SUFU: variants seen among roughly 807,000 people sequenced by gnomAD.
SUFU encodes the protein suppressor of fused homolog.
In SUFU, 7 loss-of-function variants were observed where a neutral mutation model predicts 58.9. The observed-to-expected ratio is 0.12, with a 90% CI of 0.07 to 0.22. SUFU has a LOEUF of 0.22. Among genes scored for constraint, SUFU ranks in the 10% least tolerant of loss-of-function variants. The pLI is 1.00. For synonymous variants in SUFU, 232 were observed against 254.8 expected (o/e 0.91, Z 0.85); for missense variants, 451 against 641.3 (o/e 0.70, Z 3.20).
upstream of SUFU, chr10:102,503,840 A>C: frequency 2.7e-6 from 1 of 366,878 alleles, no homozygotes. Context: ...CAGGGAGGGG[A>C]GGCGGGGCCT....
chr10:102,551,190 A>G (rs2062911080), intron 3 of SUFU, among the ~76,000 whole-genome samples: 3 of 152,216 alleles, frequency 2.0e-5, no homozygotes, highest in African/African-American at 7.2e-5. Flanking sequence ...CTACCATTGT[A>G]TGCCCTGTGG....
chr10:102,556,858 G>T (rs926865995), intron 3 of SUFU, among the ~76,000 whole-genome samples: 2 of 151,980 alleles, frequency 1.3e-5, no homozygotes, highest in African/African-American at 4.8e-5. Flanking sequence ...GGGAGCCCGA[G>T]ACAGGCAGAT....
In SUFU at chr10:102,628,848, A is replaced by T. The variant is rs960762206; in HGVS notation, c.1366-1218A>T. ...TCCACCCTGCCCTGACTTCCGGCCT[A>T]GCCAAATTAGAAAAGACAGACCCTG... On this transcript the variant is annotated intron_variant, in intron 11 of 11. Coordinates refer to ENST00000369902, the MANE Select transcript of SUFU (RefSeq NM_016169.4). The surrounding 1 kb of genome is among the most constrained non-coding windows in gnomAD (Gnocchi z 4.5). Among the ~76,000 whole-genome samples the T allele has an allele frequency of 6.6e-6, 1 of 152,116 alleles. No individual in the cohort carries two copies. The highest frequency in any genetic ancestry group is 1.5e-5 in the Non-Finnish European group (1 of 68,030).
chr10:102,546,235 C>T (rs910453996), intron 2 of SUFU, among the ~76,000 whole-genome samples: 4 of 152,228 alleles, frequency 2.6e-5, no homozygotes, highest in Admixed American at 6.5e-5. Context: ...CGGACACCCC[C>T]GTGAACAGGA....
At chr10:102,550,258 G>A (rs1017499317) in intron 3 of SUFU, 152 bp downstream of exon 3, 18 of 1,334,942 alleles carry the variant, frequency 1.3e-5, no homozygotes, top group Non-Finnish European at 1.8e-5. Context: ...GTTTTGCCTG[G>A]TGTTTCCTGG....
At chr10:102,593,574 T>A (rs2063426880) in intron 4 of SUFU, 62 bp from the exon 5 acceptor site, 1 of 1,560,274 alleles carries the variant, frequency 6.4e-7, no homozygotes, top group Non-Finnish European at 8.8e-7. Context: ...CCTGGGTAGC[T>A]GACCTTCTTG....
At chr10:102,572,528 T>G (rs984641065) in intron 3 of SUFU, among the ~76,000 whole-genome samples, 2 of 151,938 alleles carry the variant, frequency 1.3e-5, no homozygotes, top group African/African-American at 4.8e-5. Context: ...TAGCTGGGAT[T>G]ACAGGCACCT....
chr10:102,615,123 A>T (rs2063671391), intron 8 of SUFU, 145 bp from the exon 9 acceptor site: 10 of 1,237,314 alleles, frequency 8.1e-6, no homozygotes, highest in Non-Finnish European at 1.2e-5. Flanking sequence ...CTCGCCAGGC[A>T]TATACAGAAT....
intron 3 of SUFU, among the ~76,000 whole-genome samples, chr10:102,555,449 TACTC>T (rs1453210860): frequency 1.3e-5 from 2 of 151,966 alleles, no homozygotes; most frequent in Non-Finnish European, 2.9e-5. Flanking sequence ...GGCATTATCT[TACTC>T]ACACGGAAAA....
At chr10:102,573,124 G>T (rs1356255220) in intron 3 of SUFU, 2 of 777,672 alleles carry the variant, frequency 2.6e-6, no homozygotes, top group East Asian at 4.9e-5. Context: ...TTTTTTTGTG[G>T]CTGTGGACAC....
At chr10:102,535,937 G>GATA (rs1281395535) in intron 2 of SUFU, among the ~76,000 whole-genome samples, 1 of 74,262 alleles carries the variant, frequency 1.3e-5, no homozygotes, top group Non-Finnish European at 3.2e-5. Context: ...TGGAGATGAT[G>GATA]ATGATGATGA....
At chr10:102,601,548 T>C (rs766255583) in intron 8 of SUFU, among the ~76,000 whole-genome samples, 4 of 152,210 alleles carry the variant, frequency 2.6e-5, no homozygotes, top group Non-Finnish European at 4.4e-5. Context: ...CTGAGGGGAA[T>C]AGAATGTTTC....
At chr10:102,553,963 C>T (rs1447674953) in intron 3 of SUFU, among the ~76,000 whole-genome samples, 1 of 152,136 alleles carries the variant, frequency 6.6e-6, no homozygotes, top group East Asian at 1.9e-4. Flanking sequence ...TGTGGTGACG[C>T]GTGCTTGTGG....
intron 2 of SUFU, among the ~76,000 whole-genome samples, chr10:102,513,522 T>C (rs1302818423): frequency 6.6e-6 from 1 of 152,248 alleles, no homozygotes; most frequent in African/African-American, 2.4e-5. Context: ...GCTCATGTTC[T>C]AGAGGGGAGA....
At chr10:102,620,184 A>G (rs773056347) in intron 10 of SUFU, among the ~76,000 whole-genome samples, 1 of 152,234 alleles carries the variant, frequency 6.6e-6, no homozygotes, top group Non-Finnish European at 1.5e-5. Flanking sequence ...ACTTTGTTAC[A>G]GCAGCCTTGG....
At chr10:102,575,731 T>A (rs542909051) in intron 3 of SUFU, among the ~76,000 whole-genome samples, 7 of 152,278 alleles carry the variant, frequency 4.6e-5, no homozygotes, top group Admixed American at 2.0e-4. Context: ...GCCACTGCAT[T>A]TGGAGTGATG....
intron 10 of SUFU, among the ~76,000 whole-genome samples, chr10:102,624,065 G>A (rs1341677098): frequency 6.6e-6 from 1 of 152,192 alleles, no homozygotes; most frequent in Non-Finnish European, 1.5e-5. Flanking sequence ...CACTGATCAA[G>A]CTCTTAGCAC....
At chr10:102,579,217 G>A (rs1237239011) in intron 3 of SUFU, among the ~76,000 whole-genome samples, 3 of 152,204 alleles carry the variant, frequency 2.0e-5, no homozygotes, top group African/African-American at 7.2e-5. Context: ...AGCTCTGTGG[G>A]CAGTCAGGGT....
intron 3 of SUFU, among the ~76,000 whole-genome samples, chr10:102,564,229 GCTTT>G (rs1244986611): frequency 6.6e-6 from 1 of 152,318 alleles, no homozygotes; most frequent in African/African-American, 2.4e-5. Flanking sequence ...AGCTCACCTG[GCTTT>G]CTTCTCTCAT....
Sources: allele counts gnomAD v4.1 joint callset (sites outside exome capture counted in the v4.1 genomes callset), GRCh38; gene constraint gnomAD v4.1.1; non-coding constraint Gnocchi (gnomAD v3.1); transcripts MANE v1.5; gene names NCBI Gene and HGNC (gene_info 2026-07-23, HGNC 2026-07-21).